SLC44A1: variants seen among roughly 807,000 people sequenced by gnomAD.
The protein encoded by SLC44A1 is solute carrier family 44 member 1, also known as choline transporter-like protein 1.
In SLC44A1, 26 loss-of-function variants were observed where a neutral mutation model predicts 79.3. The observed-to-expected ratio is 0.33, with a 90% CI of 0.24 to 0.46. SLC44A1 has a LOEUF of 0.46. Ranked by LOEUF, SLC44A1 falls within the 20% of genes least tolerant of loss-of-function variation. The probability of loss-of-function intolerance (pLI) is 1.00; values close to 1 mark genes in which losing one functional copy is unlikely to be tolerated. For missense variants in SLC44A1, 688 were observed against 798.1 expected (o/e 0.86, Z 1.66); for synonymous variants, 263 against 286.2 (o/e 0.92, Z 0.82).
chr9:105,280,124 G>A (rs1225568170), intron 1 of SLC44A1, among the ~76,000 whole-genome samples: 3 of 152,136 alleles, frequency 2.0e-5, no homozygotes, highest in Admixed American at 1.3e-4. Flanking sequence ...TAAATTTAAC[G>A]TGATTTGAGT....
chr9:105,434,046 G>A (rs544463980), intron 15 of SLC44A1, among the ~76,000 whole-genome samples: 1 of 152,260 alleles, frequency 6.6e-6, no homozygotes, highest in East Asian at 1.9e-4. Context: ...AAAAAAACTA[G>A]TTTGCTATTT....
At chr9:105,414,404 A>G (rs897260022) in intron 15 of SLC44A1, among the ~76,000 whole-genome samples, 2 of 152,192 alleles carry the variant, frequency 1.3e-5, no homozygotes, top group Non-Finnish European at 2.9e-5. Context: ...GATGATTTTC[A>G]TTAAAGTTCC....
intron 2 of SLC44A1, among the ~76,000 whole-genome samples, chr9:105,308,933 TGACTTAGCAAGCATGATG>T (rs1167007226): frequency 1.3e-5 from 2 of 152,242 alleles, no homozygotes; most frequent in African/African-American, 2.4e-5. Flanking sequence ...AGTGCATGCT[TGACTTAGCAAGCATGATG>T]TGCTTCTGAA....
chr9:105,401,748 A>C (rs993377882), downstream of SLC44A1, among the ~76,000 whole-genome samples: 1 of 152,226 alleles, frequency 6.6e-6, no homozygotes, highest in East Asian at 1.9e-4. Context: ...GCATGCTCAC[A>C]GCAGCGTGCT....
At chr9:105,358,578 A>C (rs1464812359) in intron 7 of SLC44A1, 145 bp downstream of exon 7, 1 of 618,596 alleles carries the variant, frequency 1.6e-6, no homozygotes, top group Non-Finnish European at 2.8e-6. Context: ...ATTTCTTATA[A>C]TTATATTTGC....
At chr9:105,314,986 C>T (rs1256100176) in intron 3 of SLC44A1, among the ~76,000 whole-genome samples, 3 of 152,350 alleles carry the variant, frequency 2.0e-5, no homozygotes, top group South Asian at 2.1e-4. Flanking sequence ...CACCCTCAGT[C>T]GGTGCTCTTC....
chr9:105,246,394 G>C (rs327958), intron 1 of SLC44A1, among the ~76,000 whole-genome samples: 31,032 of 139,892 alleles, frequency 0.22, 6,291 homozygotes, highest in African/African-American at 0.55. Flanking sequence ...TTTTTTGAGT[G>C]TTTGCTTACC....
intron 4 of SLC44A1, among the ~76,000 whole-genome samples, chr9:105,335,927 G>A (rs1259034952): frequency 6.6e-6 from 1 of 152,170 alleles, no homozygotes; most frequent in Admixed American, 6.5e-5. Flanking sequence ...TGCTCTGGAA[G>A]TTAGTATTTT....
intron 3 of SLC44A1, among the ~76,000 whole-genome samples, chr9:105,325,345 G>C (rs933703665): frequency 6.6e-6 from 1 of 152,226 alleles, no homozygotes; most frequent in Non-Finnish European, 1.5e-5. Flanking sequence ...CTGGGGAGTA[G>C]TTGGACATGG....
At chr9:105,297,023 C>G (rs1438891233) in intron 1 of SLC44A1, among the ~76,000 whole-genome samples, 1 of 152,110 alleles carries the variant, frequency 6.6e-6, no homozygotes, top group Non-Finnish European at 1.5e-5. Context: ...ATCTCTTACG[C>G]CACAATGCTA....
At chr9:105,353,767 T>C (rs116349143) in intron 5 of SLC44A1, among the ~76,000 whole-genome samples, 2,244 of 152,212 alleles carry the variant, frequency 0.015, 51 homozygotes, top group African/African-American at 0.052. Flanking sequence ...GGCAAGTGAG[T>C]TAAACAGAGA....
chr9:105,270,510 T>G (rs1171128757), intron 1 of SLC44A1, among the ~76,000 whole-genome samples: 1 of 152,032 alleles, frequency 6.6e-6, no homozygotes, highest in African/African-American at 2.4e-5. Context: ...CCTCTTCACC[T>G]CCCCACTACC....
intron 15 of SLC44A1, among the ~76,000 whole-genome samples, chr9:105,404,589 A>G (rs1187444981): frequency 1.3e-5 from 2 of 152,234 alleles, no homozygotes; most frequent in Admixed American, 1.3e-4. Context: ...CTTGACTATA[A>G]AATGTTATAT....
At position 105,244,837 on chromosome 9, in the gene SLC44A1, C is replaced by G. The variant is rs1483765104; in HGVS notation, c.-32C>G. The G allele has an allele frequency of 7.2e-6, 8 of 1,111,054 alleles. No homozygotes were observed. Among genetic ancestry groups the G allele is most frequent in the Non-Finnish European group, 8.8e-6 (8 of 912,214 alleles). The allele number at this position is 1,111,054 out of a possible 1,614,324, so 68.8% of individuals were successfully genotyped here. On this transcript the variant is annotated 5_prime_UTR_variant, in exon 1 of 16. Coordinates refer to ENST00000374720, the MANE Select transcript of SLC44A1 (RefSeq NM_080546.5). ...GGGCTCCGGGGCGTAGCTGCGCGCC[C>G]GGCGCCGCCTCCGGGCTCCTTCGGC...
At chr9:105,402,688 C>CCTT (rs10651004) in intron 15 of SLC44A1, among the ~76,000 whole-genome samples, 147,815 of 152,178 alleles carry the variant, frequency 0.97, 71,790 homozygotes, top group East Asian at 1. Context: ...TGTAGACAAA[C>CCTT]CTCTCAATGA....
chr9:105,412,112 G>C (rs1452152540), intron 15 of SLC44A1, among the ~76,000 whole-genome samples: 1 of 151,830 alleles, frequency 6.6e-6, no homozygotes. Context: ...CTACTGTAAG[G>C]AAAATCTCTT....
chr9:105,432,508 A>G (rs1829410118), intron 15 of SLC44A1, among the ~76,000 whole-genome samples: 1 of 152,234 alleles, frequency 6.6e-6, no homozygotes, highest in Admixed American at 6.5e-5. Flanking sequence ...AGGGAAGCAG[A>G]GACAATTATT....
chr9:105,301,991 T>A (rs1830892514), intron 2 of SLC44A1, among the ~76,000 whole-genome samples: 1 of 152,244 alleles, frequency 6.6e-6, no homozygotes, highest in African/African-American at 2.4e-5. Flanking sequence ...TAAGATCTTG[T>A]CATCTTTCAC....
chr9:105,258,725 T>C (rs1162376423), intron 1 of SLC44A1, among the ~76,000 whole-genome samples: 1 of 152,290 alleles, frequency 6.6e-6, no homozygotes, highest in East Asian at 1.9e-4. Context: ...TTTTGCACTG[T>C]TGCCTAGGCT....
Sources: gnomAD v4.1 joint callset for allele counts (sites outside exome capture counted in the v4.1 genomes callset) on GRCh38, gnomAD v4.1.1 for gene constraint, MANE v1.5 for transcripts, NCBI Gene and HGNC (gene_info 2026-07-23, HGNC 2026-07-21) for gene names.